CACHD1: variants seen among roughly 807,000 people sequenced by gnomAD.
CACHD1 encodes VWFA and cache domain-containing protein 1.
Under a neutral mutation model 138.7 loss-of-function variants are expected in CACHD1, and 71 were observed. The ratio of observed to expected loss-of-function variants is 0.51; its 90% CI spans 0.42 to 0.62. The LOEUF is 0.62. Ranked by LOEUF, CACHD1 falls within the 20% of genes least tolerant of loss-of-function variation. CACHD1 has a pLI of 0.00. For missense variants in CACHD1, 1,389 were observed against 1,625.3 expected, an observed-to-expected ratio of 0.85 and a Z score of 2.50; for synonymous variants, 578 against 591.5, an observed-to-expected ratio of 0.98 and a Z score of 0.33.
chr1:64,632,798 T>C (rs931388975), intron 6 of CACHD1, 55 bp downstream of exon 6: 1 of 1,585,712 alleles, frequency 6.3e-7, no homozygotes, highest in African/African-American at 1.3e-5. Context: ...AATGCCTTTT[T>C]TAAAGTACTT....
rs1172198886 is a variant in CACHD1 at position 64,477,637 on chromosome 1, T to TA, written c.198+6695_198+6696insA. ...ATTATTATTATTATTTTATTTTATT[T>TA]TTTTTTTTGAGACGGAGTCTCGCTC... On this transcript the variant is annotated intron_variant, in intron 1 of 26. Transcript: ENST00000651257. 2.6e-3 allele frequency among the ~76,000 whole-genome samples: 371 copies of TA among 142,710 alleles called. 4 individuals carry two copies. Among genetic ancestry groups the TA allele is most frequent in the African/African-American group, 9.5e-3 (342 of 36,148 alleles). 93.6% of individuals were successfully genotyped at this position (142,710 alleles called of 152,430 possible).
chr1:64,579,681 TAA>T (rs1478705414), intron 2 of CACHD1, among the ~76,000 whole-genome samples: 1 of 152,188 alleles, frequency 6.6e-6, no homozygotes, highest in South Asian at 2.1e-4. Context: ...AAGTATGTTT[TAA>T]AAGAGTTGAT....
chr1:64,614,181 G>A lies in CACHD1; in HGVS notation c.517+11269G>A, dbSNP rs548832706. The stretch of plus-strand genomic sequence containing the variant: ...GTATTCACTAAGTACTAGACCCCTG[G>A]CTGGGCATCTCCCTGTGCATTGCTC... On this transcript the variant is annotated intron_variant, in intron 4 of 26. Transcript: ENST00000651257. Among the ~76,000 whole-genome samples the A allele has an allele frequency of 2.0e-5, 3 of 152,328 alleles. No individual in the cohort carries two copies. In the East Asian group the frequency reaches 5.8e-4, roughly 29 times the overall value.
intron 26 of CACHD1, among the ~76,000 whole-genome samples, chr1:64,688,765 C>T (rs949175239): frequency 5.3e-5 from 8 of 151,986 alleles, no homozygotes; most frequent in African/African-American, 7.2e-5. Context: ...CATCTCCCAC[C>T]GCCCCAACCC....
chr1:64,525,361 C>T (rs1288526275), intron 1 of CACHD1, among the ~76,000 whole-genome samples: 1 of 152,124 alleles, frequency 6.6e-6, no homozygotes, highest in East Asian at 1.9e-4. Flanking sequence ...AAAATGTCAA[C>T]TTGATATTTA....
rs1003509740 is a variant in CACHD1, at chr1:64,679,492, G to T, written c.3245-103G>T. On this transcript the variant is annotated intron_variant, in intron 23 of 26. Transcript: ENST00000651257. The stretch of plus-strand genomic sequence containing the variant: ...CTAACTAAGCATCTGTTTATCTTCC[G>T]CCAACCCCCTTCCCACTGTATTCCC... 17 of 1,310,358 alleles carry T rather than the reference G, an allele frequency of 1.3e-5. No individual in the cohort carries two copies. In the East Asian group the frequency reaches 2.6e-4, roughly 20 times the overall value. 81.2% of individuals were successfully genotyped at this position (1,310,358 alleles called of 1,614,324 possible). A position where few individuals can be genotyped will look rare whatever the true frequency, so the allele number is the denominator to read the frequency against.
intron 3 of CACHD1, among the ~76,000 whole-genome samples, chr1:64,598,046 G>A (rs2100569512): frequency 6.6e-6 from 1 of 152,238 alleles, no homozygotes; most frequent in East Asian, 1.9e-4. Flanking sequence ...CTTCCTCTGG[G>A]GACCAGAGGT....
intron 1 of CACHD1, among the ~76,000 whole-genome samples, chr1:64,505,525 T>TCCCCGCCCCCGGGCCGCG (rs1646366150): frequency 7.2e-6 from 1 of 139,032 alleles, no homozygotes; most frequent in Admixed American, 7.1e-5. Flanking sequence ...AGAAGGGACC[T>TCCCCGCCCCCGGGCCGCG]CCCCGCCCCC....
chr1:64,563,346 A>G (rs1646856802), intron 2 of CACHD1, among the ~76,000 whole-genome samples: 1 of 152,168 alleles, frequency 6.6e-6, no homozygotes, highest in African/African-American at 2.4e-5. Context: ...AGGTATTAAT[A>G]CTCCAAATAA....
chr1:64,513,610 G>A (rs996997714), intron 1 of CACHD1, among the ~76,000 whole-genome samples: 8 of 152,180 alleles, frequency 5.3e-5, no homozygotes, highest in Non-Finnish European at 1.0e-4. Flanking sequence ...CATTTGAGTT[G>A]CATCTTGCCA....
intron 24 of CACHD1, among the ~76,000 whole-genome samples, chr1:64,680,069 A>G (rs1345924805): frequency 6.6e-6 from 1 of 152,242 alleles, no homozygotes; most frequent in African/African-American, 2.4e-5. Flanking sequence ...CTGCCCTTGC[A>G]ATTCCAAAAA....
At chr1:64,544,340 A>G (rs1457962151) in intron 1 of CACHD1, among the ~76,000 whole-genome samples, 3 of 152,110 alleles carry the variant, frequency 2.0e-5, no homozygotes. Context: ...TATCTAGTTA[A>G]AATTTGGCAG....
At chr1:64,517,069 G>C (rs1447347419) in intron 1 of CACHD1, among the ~76,000 whole-genome samples, 1 of 152,174 alleles carries the variant, frequency 6.6e-6, no homozygotes, top group East Asian at 1.9e-4. Context: ...ACATGAAGCG[G>C]GGAAAGCACT....
chr1:64,632,626 G>A lies in CACHD1; in HGVS notation c.672G>A (p.Pro224=), dbSNP rs61731122. The part of the protein sequence containing the change: ...SRPIYVSTVR[P]QSKHIVVILD... Reference sequence around the variant, plus strand: ...CCATCTACGTCTCTACAGTCCGGCCGCAGTCAAAGCACATAGTAGTGATTC... The same window carrying A: ...CCATCTACGTCTCTACAGTCCGGCCACAGTCAAAGCACATAGTAGTGATTC... Residue 224 remains proline (P), a synonymous_variant, in exon 6 of 27, where the codon CCG becomes CCA. Transcript: ENST00000651257. 39,279 of 1,613,840 alleles carry A rather than the reference G, an allele frequency of 0.024. 594 individuals are homozygous for A. Among genetic ancestry groups the A allele is most frequent in the Non-Finnish European group, 0.03 (35,518 of 1,179,914 alleles).
chr1:64,484,426 C>T (rs1646229437), intron 1 of CACHD1, among the ~76,000 whole-genome samples: 1 of 152,062 alleles, frequency 6.6e-6, no homozygotes, highest in Admixed American at 6.5e-5. Flanking sequence ...TGACAGCATA[C>T]AAGCAGAAGG....
chr1:64,561,882 A>G (rs926504009), intron 2 of CACHD1, among the ~76,000 whole-genome samples: 1 of 144,328 alleles, frequency 6.9e-6, no homozygotes, highest in Admixed American at 6.9e-5. Flanking sequence ...AAAAGTTTCT[A>G]TTTTGCCTTT....
At chr1:64,519,772 C>G (rs371248116) in intron 1 of CACHD1, among the ~76,000 whole-genome samples, 2 of 82,900 alleles carry the variant, frequency 2.4e-5, no homozygotes, top group Non-Finnish European at 3.3e-5. Context: ...AAACAGCTCT[C>G]GGTCATTACC....
At chr1:64,589,317 T>C (rs944950704) in intron 3 of CACHD1, among the ~76,000 whole-genome samples, 1 of 152,132 alleles carries the variant, frequency 6.6e-6, no homozygotes, top group Non-Finnish European at 1.5e-5. Flanking sequence ...AGGAATCCCA[T>C]CTTATTCAAC....
intron 3 of CACHD1, among the ~76,000 whole-genome samples, chr1:64,594,755 T>C (rs1416816538): frequency 1.3e-5 from 2 of 152,242 alleles, no homozygotes; most frequent in Non-Finnish European, 2.9e-5. Flanking sequence ...AAATCTGATC[T>C]CTGTAGAAAA....
Sources: gnomAD v4.1 joint callset for allele counts (sites outside exome capture counted in the v4.1 genomes callset) on GRCh38, gnomAD v4.1.1 for gene constraint, MANE v1.5 for transcripts, NCBI Gene and HGNC (gene_info 2026-07-23, HGNC 2026-07-21) for gene names.